The following LINGO2 variants were observed in gnomAD, a reference collection of about 807,000 sequenced individuals.
LINGO2 encodes leucine rich repeat and Ig domain containing 2, also known as leucine-rich repeat and immunoglobulin-like domain-containing nogo receptor-interacting protein 2.
Under a neutral mutation model 30.6 loss-of-function variants are expected in LINGO2, and 14 were observed. The observed-to-expected ratio is 0.46, with a 90% confidence interval of 0.30 to 0.72. The LOEUF is 0.72. LINGO2 is among the 30% of genes least tolerant of loss of function. The pLI, the probability that LINGO2 is intolerant of heterozygous loss-of-function variation, is 0.07. For synonymous variants in LINGO2, 317 were observed against 288.5 expected (o/e 1.10, Z -1.00); for missense variants, 729 against 751.7 (o/e 0.97, Z 0.35).
intron 4 of LINGO2, among the ~76,000 whole-genome samples, chr9:28,036,339 A>C (rs1367837974): frequency 6.6e-6 from 1 of 152,214 alleles, no homozygotes; most frequent in African/African-American, 2.4e-5. Context: ...AGCACTGCAC[A>C]TCATGGGAAA....
Position 27,966,086 on chromosome 9 carries a change from A to AT in LINGO2, c.-35-15381dup, listed in dbSNP as rs954609358. Among the ~76,000 whole-genome samples the AT allele has an allele frequency of 6.6e-5, 10 of 152,180 alleles. No homozygotes were observed. In the South Asian group the frequency reaches 1.9e-3, roughly 28 times the overall value. ...CCATACTTTTATTATTATTATCACTATTTAGGCAAAGGGAAATGTTGCTCA... is the reference window on the plus strand; with the variant it reads ...CCATACTTTTATTATTATTATCACTATTTTAGGCAAAGGGAAATGTTGCTCA... On this transcript the variant is annotated intron_variant, in intron 5 of 5. Coordinates refer to ENST00000379992, the Ensembl canonical transcript of LINGO2.
chr9:28,514,800 A>G (rs1587789461), intron 1 of LINGO2, among the ~76,000 whole-genome samples: 2 of 152,192 alleles, frequency 1.3e-5, no homozygotes, highest in African/African-American at 2.4e-5. Flanking sequence ...CAGATTTTCA[A>G]TGTAGACAAA....
chr9:28,787,201 C>T, the LINGO2 span, among the ~76,000 whole-genome samples: 2 of 152,202 alleles, frequency 1.3e-5, no homozygotes, highest in African/African-American at 4.8e-5. Context: ...ATAAATCCAT[C>T]CAGTACTATT....
intron 4 of LINGO2, among the ~76,000 whole-genome samples, chr9:28,045,577 G>A (rs992649490): frequency 6.6e-6 from 1 of 152,208 alleles, no homozygotes; most frequent in Non-Finnish European, 1.5e-5. Context: ...GTTCTAAAAT[G>A]TAAATAGTTT....
rs1346168804 is a variant in LINGO2 at position 28,129,169 on chromosome 9, G to A, written c.-86-116764C>T. ...CCCTACTTTTGAGGCTTTGGGACTCGGGCTGATCTACCACTGGCTTCCTTG... is the reference window on the plus strand; with the variant it reads ...CCCTACTTTTGAGGCTTTGGGACTCAGGCTGATCTACCACTGGCTTCCTTG... On this transcript the variant is annotated intron_variant, in intron 4 of 5. Coordinates refer to ENST00000379992, the Ensembl canonical transcript of LINGO2. This position sits in a 1 kb window ranked among gnomAD's most constrained non-coding sequence, Gnocchi z 4.0. Among the ~76,000 whole-genome samples, 1 of 152,224 alleles carries A rather than the reference G, an allele frequency of 6.6e-6. No homozygotes were observed. The highest frequency in any genetic ancestry group is 2.1e-4 in the South Asian group (1 of 4,818).
intron 1 of LINGO2, among the ~76,000 whole-genome samples, chr9:28,544,310 T>A (rs576769876): frequency 6.6e-6 from 1 of 152,194 alleles, no homozygotes; most frequent in African/African-American, 2.4e-5. Flanking sequence ...AGTTCTGTAA[T>A]CTGAGACTTC....
the LINGO2 span, among the ~76,000 whole-genome samples, chr9:29,112,363 G>C: frequency 2.6e-5 from 4 of 152,052 alleles, no homozygotes; most frequent in African/African-American, 9.7e-5. Context: ...CTAGGGACCT[G>C]GCCCAGGAAT....
intron 4 of LINGO2, among the ~76,000 whole-genome samples, chr9:28,252,798 T>C (rs1170537097): frequency 6.6e-6 from 1 of 152,054 alleles, no homozygotes; most frequent in Non-Finnish European, 1.5e-5. Flanking sequence ...TGAGTAGTAA[T>C]AGTACAAGAT....
At chr9:28,566,382 A>T (rs1353593319) in intron 1 of LINGO2, among the ~76,000 whole-genome samples, 1 of 152,176 alleles carries the variant, frequency 6.6e-6, no homozygotes, top group Non-Finnish European at 1.5e-5. Flanking sequence ...ATTTGCCATC[A>T]AACAACTTTA....
At chr9:28,574,782 AAATCCCAGCTTCATCTCTAGT>A (rs1045333931) in intron 1 of LINGO2, among the ~76,000 whole-genome samples, 1 of 152,212 alleles carries the variant, frequency 6.6e-6, no homozygotes, top group African/African-American at 2.4e-5. Flanking sequence ...ATCCAAATTC[AAATCCCAGCTTCATCTCTAGT>A]TGAGGGACAT....
At chr9:27,981,039 A>AT (rs1820829607) in intron 5 of LINGO2, among the ~76,000 whole-genome samples, 1 of 151,808 alleles carries the variant, frequency 6.6e-6, no homozygotes, top group Admixed American at 6.6e-5. Context: ...ACCCTGATGG[A>AT]TTTTCCTTGG....
At chr9:28,039,410 A>G (rs1198698903) in intron 4 of LINGO2, among the ~76,000 whole-genome samples, 2 of 152,224 alleles carry the variant, frequency 1.3e-5, no homozygotes, top group African/African-American at 4.8e-5. Context: ...ATATACTTCT[A>G]AAAGAGGCGC....
chr9:28,760,915 C>CGTGT, the LINGO2 span, among the ~76,000 whole-genome samples: 1 of 141,736 alleles, frequency 7.1e-6, no homozygotes, highest in African/African-American at 2.6e-5. Context: ...TATATACGTA[C>CGTGT]GTGTGTGTGT....
intron 4 of LINGO2, among the ~76,000 whole-genome samples, chr9:28,111,781 C>A (rs926006623): frequency 1.3e-5 from 2 of 152,048 alleles, no homozygotes; most frequent in African/African-American, 4.8e-5. Flanking sequence ...AATGCTGCAA[C>A]AGAGATATAC....
chr9:28,985,032 T>C, the LINGO2 span, among the ~76,000 whole-genome samples: 1 of 152,064 alleles, frequency 6.6e-6, no homozygotes, highest in East Asian at 1.9e-4. Flanking sequence ...ACTGCCTCCA[T>C]CCTCCAGGCT....
At chr9:29,052,348 T>A in the LINGO2 span, among the ~76,000 whole-genome samples, 20 of 152,196 alleles carry the variant, frequency 1.3e-4, no homozygotes, top group Non-Finnish European at 2.5e-4. Context: ...TCATTGCTGC[T>A]ATAGAACTGT....
At chr9:28,563,812 A>G (rs1291791352) in intron 1 of LINGO2, among the ~76,000 whole-genome samples, 4 of 152,262 alleles carry the variant, frequency 2.6e-5, no homozygotes, top group South Asian at 4.1e-4. Flanking sequence ...AGTGCCCAGA[A>G]TCGCGGCTGC....
chr9:29,101,480 C>T, the LINGO2 span, among the ~76,000 whole-genome samples: 1 of 151,788 alleles, frequency 6.6e-6, no homozygotes, highest in Non-Finnish European at 1.5e-5. Context: ...AGAAGGTAGG[C>T]CTGTAGGCCT....
intron 1 of LINGO2, among the ~76,000 whole-genome samples, chr9:28,506,168 T>C (rs1202421399): frequency 6.6e-6 from 1 of 151,458 alleles, no homozygotes; most frequent in African/African-American, 2.4e-5. Context: ...AATTTCACAC[T>C]TCCACTCAAG....
Sources: allele counts gnomAD v4.1 joint callset (sites outside exome capture counted in the v4.1 genomes callset), GRCh38; gene constraint gnomAD v4.1.1; non-coding constraint Gnocchi (gnomAD v3.1); transcripts MANE v1.5; gene names NCBI Gene and HGNC (gene_info 2026-07-23, HGNC 2026-07-21).